IPPK: variants seen among roughly 807,000 people sequenced by gnomAD.
IPPK encodes the protein IPK1 homolog.
IPPK carries 22 observed loss-of-function variants against 64.6 expected under a neutral mutation model. The observed-to-expected ratio is 0.34, with a 90% CI of 0.24 to 0.49. The LOEUF (loss-of-function observed/expected upper bound fraction) is 0.49, where lower values mean the gene tolerates loss of function less well. IPPK is among the 20% of genes least tolerant of loss of function. IPPK has a pLI of 0.99. For synonymous variants in IPPK, 262 were observed against 247.2 expected (o/e 1.06, Z -0.56); for missense variants, 532 against 630.7 (o/e 0.84, Z 1.68).
intron 11 of IPPK, among the ~76,000 whole-genome samples, chr9:92,628,560 C>T (rs937818575): frequency 3.9e-5 from 6 of 152,152 alleles, no homozygotes; most frequent in Non-Finnish European, 4.4e-5. Flanking sequence ...GATCACTCAA[C>T]GGGGAAAGAA....
chr9:92,628,562 G>C (rs1851775493), intron 11 of IPPK, among the ~76,000 whole-genome samples: 1 of 152,162 alleles, frequency 6.6e-6, no homozygotes, highest in Non-Finnish European at 1.5e-5. Context: ...TCACTCAACG[G>C]GGAAAGAATA....
chr9:92,654,409 T>TG (rs951746416), intron 3 of IPPK, among the ~76,000 whole-genome samples: 1 of 151,970 alleles, frequency 6.6e-6, no homozygotes, highest in Non-Finnish European at 1.5e-5. Flanking sequence ...CCCAGCTACT[T>TG]GGGGGTGGGT....
intron 12 of IPPK, chr9:92,618,989 T>C (rs1851536277): frequency 3.9e-6 from 1 of 258,992 alleles, no homozygotes; most frequent in Admixed American, 5.0e-5. Context: ...ACAAAACTAG[T>C]GACATTAGGG....
chr9:92,627,451 A>G lies in IPPK; in HGVS notation c.1170+6935T>C, dbSNP rs564348160. 3.3e-5 allele frequency among the ~76,000 whole-genome samples: 5 copies of G among 152,346 alleles called. No individual in the cohort carries two copies. In the South Asian group the frequency reaches 1.0e-3, roughly 32 times the overall value. Reference sequence around the variant, plus strand: ...TAAGAATATGGATATGAGAATCCTCAATAAAATAATCAAAAACTGAATCCA... The same window carrying G: ...TAAGAATATGGATATGAGAATCCTCGATAAAATAATCAAAAACTGAATCCA... On this transcript the variant is annotated intron_variant, in intron 11 of 12. Coordinates refer to ENST00000287996, the MANE Select transcript of IPPK (RefSeq NM_022755.6).
chr9:92,630,794 G>T (rs764455687), intron 11 of IPPK, among the ~76,000 whole-genome samples: 1 of 152,104 alleles, frequency 6.6e-6, no homozygotes, highest in Non-Finnish European at 1.5e-5. Context: ...TAACTGATTA[G>T]ACTTTAAATA....
chr9:92,651,436 T>C (rs10992390), intron 4 of IPPK, among the ~76,000 whole-genome samples: 30,599 of 152,006 alleles, frequency 0.2, 4,102 homozygotes, highest in East Asian at 0.73. Flanking sequence ...GGGAGGGGAT[T>C]GGGGAAGGAC....
intron 11 of IPPK, among the ~76,000 whole-genome samples, chr9:92,631,631 C>T (rs1211546643): frequency 6.6e-6 from 1 of 152,218 alleles, no homozygotes; most frequent in African/African-American, 2.4e-5. Flanking sequence ...AAAGGGCAGG[C>T]CCTTCTATGA....
chr9:92,616,098 C>T, intron 12 of IPPK, 41 bp from the exon 13 acceptor site: 2 of 1,388,370 alleles, frequency 1.4e-6, no homozygotes, highest in South Asian at 2.4e-5. Flanking sequence ...ACAAGCCCCC[C>T]ATTCATTTCC....
chr9:92,663,186 A>G (rs894858744), intron 1 of IPPK, among the ~76,000 whole-genome samples: 4 of 152,268 alleles, frequency 2.6e-5, no homozygotes, highest in African/African-American at 9.6e-5. Context: ...CACTTGGGTC[A>G]GTGATGGACT....
At chr9:92,640,889 C>T (rs1014870102) in intron 7 of IPPK, 107 bp from the exon 8 acceptor site, 23 of 795,490 alleles carry the variant, frequency 2.9e-5, no homozygotes, top group Admixed American at 1.1e-4. Flanking sequence ...TCCCAGGGGC[C>T]GCTGGGAAAC....
chr9:92,652,532 T>C, intron 4 of IPPK, 41 bp downstream of exon 4: 1 of 1,102,840 alleles, frequency 9.1e-7, no homozygotes, highest in Admixed American at 2.1e-5. Context: ...AAATGGAATA[T>C]TTTAAATTAC....
intron 7 of IPPK, among the ~76,000 whole-genome samples, chr9:92,641,428 A>G (rs1165136566): frequency 1.3e-5 from 2 of 152,240 alleles, no homozygotes; most frequent in Non-Finnish European, 2.9e-5. Context: ...GACTCCCAAA[A>G]GCCTGCATTC....
rs1453707209 is a variant in IPPK, at chr9:92,615,254, C to T, written c.*578G>A. 6.5e-6 allele frequency: 1 copy of T among 154,430 alleles called. No homozygotes were observed. Among genetic ancestry groups the T allele is most frequent in the African/African-American group, 2.4e-5 (1 of 41,370 alleles). 9.6% of individuals were successfully genotyped at this position (154,430 alleles called of 1,614,324 possible). ...GGAACTGTGGGCTTCAGCACCTCCA[C>T]AGGGACCCTGAGTCTACACTGCTCA... On this transcript the variant is annotated 3_prime_UTR_variant, in exon 13 of 13. Transcript: ENST00000287996.
In IPPK at chr9:92,658,650, G is replaced by A; in HGVS notation, c.113C>T (p.Pro38Leu). The change falls in exon 2 of 13, where the codon CCT becomes CTT. Residue 38 changes from proline to leucine, a missense_variant. Transcript: ENST00000287996. ...RCVVLRFLKF[P>L]PNRKKTSEEI... The stretch of plus-strand genomic sequence containing the variant: ...CCATCTTACCTTCTTCCTATTTGGA[G>A]GAAACTTCAGAAACCGCAGCACGAC... 1 of 1,613,956 alleles carries A rather than the reference G, an allele frequency of 6.2e-7. No homozygotes were observed.
At chr9:92,654,890 T>C (rs1852339896) in intron 3 of IPPK, among the ~76,000 whole-genome samples, 1 of 152,246 alleles carries the variant, frequency 6.6e-6, no homozygotes. Flanking sequence ...CCAACGGAGC[T>C]GAGGCTGGCG....
At chr9:92,653,323 A>G (rs1356854255) in intron 3 of IPPK, among the ~76,000 whole-genome samples, 1 of 152,162 alleles carries the variant, frequency 6.6e-6, no homozygotes, top group Non-Finnish European at 1.5e-5. Context: ...CTGCTAGGCT[A>G]AGAATGCTGG....
At chr9:92,668,161 G>A (rs983425353) in intron 1 of IPPK, among the ~76,000 whole-genome samples, 20 of 151,984 alleles carry the variant, frequency 1.3e-4, no homozygotes, top group African/African-American at 4.4e-4. Context: ...CCAGCTACTC[G>A]GGAGGCTGAG....
chr9:92,617,944 T>G, intron 12 of IPPK: 1 of 304,536 alleles, frequency 3.3e-6, no homozygotes, highest in Non-Finnish European at 6.5e-6. Context: ...GTGTAAGAAG[T>G]TTAAATGTGG....
chr9:92,622,285 T>C (rs1851653939), intron 11 of IPPK, among the ~76,000 whole-genome samples: 1 of 151,962 alleles, frequency 6.6e-6, no homozygotes, highest in Non-Finnish European at 1.5e-5. Context: ...ATTCATACTA[T>C]CACAAATTAA....
Sources: allele counts gnomAD v4.1 joint callset (sites outside exome capture counted in the v4.1 genomes callset), GRCh38; gene constraint gnomAD v4.1.1; transcripts MANE v1.5; gene names NCBI Gene and HGNC (gene_info 2026-07-23, HGNC 2026-07-21).